The following DCN variants were observed in gnomAD, a reference collection of about 807,000 sequenced individuals.
DCN encodes decorin.
A neutral mutation model predicts 36.5 loss-of-function variants in DCN; 17 were observed. The ratio of observed to expected loss-of-function variants is 0.47; its 90% CI spans 0.32 to 0.70. DCN has a LOEUF of 0.70. Among genes scored for constraint, DCN ranks in the 30% least tolerant of loss-of-function variants. DCN has a pLI of 0.04. For missense variants in DCN, 389 were observed against 430.1 expected (o/e 0.90, Z 0.84); for synonymous variants, 163 against 161.4 (o/e 1.01, Z -0.07).
At chr12:91,170,542 T>G (rs1488871751) in intron 2 of DCN, among the ~76,000 whole-genome samples, 1 of 152,220 alleles carries the variant, frequency 6.6e-6, no homozygotes, top group African/African-American at 2.4e-5. Flanking sequence ...AGGAAGCACA[T>G]GATCCCCAAT....
rs760152136 is a variant in DCN at position 91,153,184 on chromosome 12, G to T, written c.658C>A (p.Pro220Thr). 6.4e-7 allele frequency: 1 copy of T among 1,569,634 alleles called. No individual in the cohort carries two copies. Among genetic ancestry groups the T allele is most frequent in the Non-Finnish European group, 8.8e-7 (1 of 1,139,778 alleles). The change falls in exon 6 of 8, where the codon CCT becomes ACT. Residue 220 changes from proline to threonine, a missense_variant. Pro to Thr is a conservative substitution (Grantham distance 38). Transcript: ENST00000052754. The part of the protein sequence containing the change: ...TNITSIPQGL[P>T]PSLTELHLDG... The stretch of plus-strand genomic sequence containing the variant: ...AGATGTAATTCCGTAAGGGAAGGAG[G>T]AAGACCTGGAATGTGGAATTAAAGA...
chr12:91,153,608 CAAACTTA>C (rs1265938755), intron 5 of DCN, among the ~76,000 whole-genome samples: 2 of 152,088 alleles, frequency 1.3e-5, no homozygotes. Flanking sequence ...AACCCATGTA[CAAACTTA>C]ATTGTCTATT....
At chr12:91,170,615 T>C (rs941976298) in intron 2 of DCN, among the ~76,000 whole-genome samples, 11 of 152,184 alleles carry the variant, frequency 7.2e-5, no homozygotes, top group Admixed American at 2.6e-4. Context: ...TGGTAGCAAA[T>C]GCTACACTCT....
chr12:91,159,198 C>T (rs1242469106), intron 3 of DCN, among the ~76,000 whole-genome samples: 1 of 152,118 alleles, frequency 6.6e-6, no homozygotes, highest in East Asian at 1.9e-4. Flanking sequence ...CCGCAGTCAG[C>T]TTTTTAACTT....
At chr12:91,162,010 G>A (rs1368279075) in intron 3 of DCN, among the ~76,000 whole-genome samples, 7 of 150,552 alleles carry the variant, frequency 4.6e-5, no homozygotes, top group African/African-American at 1.5e-4. Flanking sequence ...GCGTGATCTC[G>A]ACTCACTGCA....
At chr12:91,167,894 G>A (rs1252850749) in intron 2 of DCN, among the ~76,000 whole-genome samples, 2 of 152,152 alleles carry the variant, frequency 1.3e-5, no homozygotes, top group Non-Finnish European at 2.9e-5. Flanking sequence ...AGCCTGGAAT[G>A]CAATGGCATC....
rs112779866 is a variant in DCN, at chr12:91,167,231, A to G, written c.212-2514T>C. Among the ~76,000 whole-genome samples the G allele has an allele frequency of 1.9e-3, 295 of 152,230 alleles. 1 individual carries two copies. Among genetic ancestry groups the G allele is most frequent in the Non-Finnish European group, 2.5e-3 (169 of 68,006 alleles). ...TAGATAAGGCATTGGAGTGTTAACT[A>G]GCTTGCTCAAAGACAAGAGACAGAG... On this transcript the variant is annotated intron_variant, in intron 2 of 7. Transcript: ENST00000052754.
chr12:91,154,606 T>G (rs915612359), intron 5 of DCN, among the ~76,000 whole-genome samples: 8 of 152,154 alleles, frequency 5.3e-5, no homozygotes, highest in African/African-American at 1.9e-4. Context: ...AGGTTTGAGA[T>G]AGACAAATTT....
At chr12:91,158,822 C>T (rs550298138) in intron 3 of DCN, among the ~76,000 whole-genome samples, 4 of 151,928 alleles carry the variant, frequency 2.6e-5, no homozygotes, top group South Asian at 2.1e-4. Context: ...ATTAGCTGGG[C>T]GTGGTGGTGG....
At chr12:91,148,081 T>A (rs992872731) in intron 7 of DCN, among the ~76,000 whole-genome samples, 3 of 151,740 alleles carry the variant, frequency 2.0e-5, no homozygotes, top group Non-Finnish European at 2.9e-5. Context: ...GTCTTTTTTT[T>A]TTTTTTTTCT....
intron 3 of DCN, among the ~76,000 whole-genome samples, chr12:91,158,934 C>T (rs775988665): frequency 1.3e-5 from 2 of 151,564 alleles, no homozygotes; most frequent in Non-Finnish European, 2.9e-5. Context: ...TGCACTCCAG[C>T]CTTGGTGACT....
intron 2 of DCN, chr12:91,172,978 C>T (rs1376832223): frequency 1.1e-5 from 5 of 443,002 alleles, no homozygotes; most frequent in African/African-American, 4.1e-5. Context: ...ATGTAGATTA[C>T]AGTAAAAAAG....
At chr12:91,168,755 T>C (rs1201546266) in intron 2 of DCN, among the ~76,000 whole-genome samples, 2 of 152,248 alleles carry the variant, frequency 1.3e-5, no homozygotes, top group African/African-American at 4.8e-5. Flanking sequence ...ATTTTATAAA[T>C]GAATGCTACT....
chr12:91,151,562 TAAG>T (rs767525668), intron 7 of DCN, 89 bp downstream of exon 7: 2 of 1,496,436 alleles, frequency 1.3e-6, no homozygotes, highest in Non-Finnish European at 1.8e-6. Flanking sequence ...AAAAAACTTC[TAAG>T]AAGAGCTTCC....
chr12:91,146,409 T>G lies in DCN; in HGVS notation c.886-157A>C, dbSNP rs58455041. On this transcript the variant is annotated intron_variant, in intron 7 of 7. Transcript: ENST00000052754. ...TCTTGCTTTGTCACCCAGGCTGGAG[T>G]GCAGTGGCATGACCTCAGTGCATTG... Among the ~76,000 whole-genome samples the G allele has an allele frequency of 3.5e-3, 504 of 143,882 alleles. 5 individuals are homozygous for G. Among genetic ancestry groups the G allele is most frequent in the African/African-American group, 0.012 (455 of 37,638 alleles). The allele number at this position is 143,882 out of a possible 152,430, so 94.4% of individuals were successfully genotyped here.
Position 91,143,291 on chromosome 12 carries a change from C to T in DCN, c.*2767G>A, listed in dbSNP as rs765537439. 3 of 152,118 alleles carry T rather than the reference C, an allele frequency of 2.0e-5. No homozygotes were observed. The highest frequency in any genetic ancestry group is 7.2e-5 in the African/African-American group (3 of 41,418). 9.4% of individuals were successfully genotyped at this position (152,118 alleles called of 1,614,324 possible). ...GTAAGTTTCTGTTGTTTTAAGCCAC[C>T]CAGTTTTTGGTACTTTATTATAGCA... is the stretch of plus-strand genomic sequence containing the variant. On this transcript the variant is annotated 3_prime_UTR_variant, in exon 8 of 8. Transcript: ENST00000052754.
At chr12:91,157,302 A>C in intron 4 of DCN, 114 bp from the exon 5 acceptor site, 1 of 771,814 alleles carries the variant, frequency 1.3e-6, no homozygotes. Context: ...TATCAACTTG[A>C]CTAAAAAACA....
intron 3 of DCN, among the ~76,000 whole-genome samples, chr12:91,164,104 A>C: frequency 6.6e-6 from 1 of 152,174 alleles, no homozygotes; most frequent in East Asian, 1.9e-4. Context: ...AAAAAGGTAA[A>C]CTATCGCAAG....
At chr12:91,147,322 G>GT (rs1472503467) in intron 7 of DCN, among the ~76,000 whole-genome samples, 2 of 152,272 alleles carry the variant, frequency 1.3e-5, no homozygotes, top group African/African-American at 2.4e-5. Flanking sequence ...CATGTAAGTC[G>GT]TTTTTTCTTA....
Sources: allele counts gnomAD v4.1 joint callset (sites outside exome capture counted in the v4.1 genomes callset), GRCh38; gene constraint gnomAD v4.1.1; transcripts MANE v1.5; gene names NCBI Gene and HGNC (gene_info 2026-07-23, HGNC 2026-07-21).